GALM: variants seen among roughly 807,000 people sequenced by gnomAD.
The protein encoded by GALM is galactose mutarotase, also known as aldose 1-epimerase.
In GALM, 43 loss-of-function variants were observed where a neutral mutation model predicts 37.4. That is an observed-to-expected ratio of 1.15 (90% CI 0.90 to 1.48). GALM has a LOEUF of 1.48. Among genes scored for constraint, GALM ranks in the 40% most tolerant of loss-of-function variants. The pLI is 0.00. For synonymous variants in GALM, 199 were observed against 170.6 expected (o/e 1.17, Z -1.30); for missense variants, 456 against 419.1 (o/e 1.09, Z -0.77).
At position 38,666,520 on chromosome 2, in the gene GALM, C is replaced by T. The variant is rs1265951003; in HGVS notation, c.190+169C>T. Among the ~76,000 whole-genome samples, 3 of 152,240 alleles carry T rather than the reference C, an allele frequency of 2.0e-5. No individual in the cohort carries two copies. The East Asian group carries it at 5.8e-4, about 29-fold the overall frequency. ...CATAGAGGGCCGTGTGGCCATCCAGCATTTGGGAAAAACTGTAATAAATAA... is the reference window on the plus strand; with the variant it reads ...CATAGAGGGCCGTGTGGCCATCCAGTATTTGGGAAAAACTGTAATAAATAA... On this transcript the variant is annotated intron_variant, in intron 1 of 6. Coordinates refer to ENST00000272252, the MANE Select transcript of GALM (RefSeq NM_138801.3).
At chr2:38,696,381 A>C (rs1191788997) in intron 4 of GALM, among the ~76,000 whole-genome samples, 2 of 151,340 alleles carry the variant, frequency 1.3e-5, no homozygotes, top group East Asian at 3.9e-4. Context: ...AGCCTCCCAA[A>C]GTGCTGGGAT....
intron 3 of GALM, among the ~76,000 whole-genome samples, chr2:38,689,572 T>G (rs1305798711): frequency 6.6e-6 from 1 of 152,218 alleles, no homozygotes; most frequent in Non-Finnish European, 1.5e-5. Context: ...CTTTTCACCT[T>G]CATATTCTAT....
chr2:38,716,878 A>C (rs531299224), intron 4 of GALM, among the ~76,000 whole-genome samples: 1 of 152,264 alleles, frequency 6.6e-6, no homozygotes, highest in East Asian at 1.9e-4. Flanking sequence ...ACAAACAAAA[A>C]ACAGAAACCT....
At chr2:38,711,666 G>T (rs1373523470) in intron 4 of GALM, among the ~76,000 whole-genome samples, 2 of 131,308 alleles carry the variant, frequency 1.5e-5, no homozygotes, top group African/African-American at 5.8e-5. Flanking sequence ...GAAGCACTAT[G>T]ATTAGCACTG....
chr2:38,678,953 C>A (rs929698768), intron 2 of GALM, among the ~76,000 whole-genome samples: 5 of 152,072 alleles, frequency 3.3e-5, no homozygotes. Flanking sequence ...GAGTTTGAAC[C>A]CCAGCTCTGT....
At chr2:38,705,713 G>C (rs1666021846) in intron 4 of GALM, among the ~76,000 whole-genome samples, 1 of 152,220 alleles carries the variant, frequency 6.6e-6, no homozygotes, top group African/African-American at 2.4e-5. Context: ...GGTCGTGCAT[G>C]TGCAGGGTCA....
chr2:38,707,460 G>A (rs1666054500), intron 4 of GALM, among the ~76,000 whole-genome samples: 1 of 152,136 alleles, frequency 6.6e-6, no homozygotes, highest in African/African-American at 2.4e-5. Context: ...GAGAAGAGGT[G>A]TCTAGAAGTC....
intron 3 of GALM, among the ~76,000 whole-genome samples, chr2:38,687,127 T>A (rs1665557653): frequency 6.6e-6 from 1 of 152,034 alleles, no homozygotes; most frequent in Admixed American, 6.6e-5. Context: ...AGTCCCAAAT[T>A]CTCTTCCCTC....
rs1665339914 is a variant in GALM at position 38,679,388 on chromosome 2, A to G, written c.346-1892A>G. Among the ~76,000 whole-genome samples the G allele has an allele frequency of 1.3e-5, 2 of 151,656 alleles. 1 individual carries two copies. The highest frequency in any genetic ancestry group is 1.3e-4 in the Admixed American group (2 of 15,230). Reference sequence around the variant, plus strand: ...GACACACACTAGGAATGTAGAAGGTAGATGTGGGTATAAGTTAACTCCACT... The same window carrying G: ...GACACACACTAGGAATGTAGAAGGTGGATGTGGGTATAAGTTAACTCCACT... On this transcript the variant is annotated intron_variant, in intron 2 of 6. Transcript: ENST00000272252.
intron 4 of GALM, among the ~76,000 whole-genome samples, chr2:38,717,970 G>C (rs912473377): frequency 2.6e-5 from 4 of 151,238 alleles, no homozygotes; most frequent in Non-Finnish European, 1.5e-5. Context: ...AAGTAGTTAG[G>C]ACTACAGGCA....
chr2:38,677,832 C>G (rs114138512), intron 2 of GALM, among the ~76,000 whole-genome samples: 1,723 of 151,816 alleles, frequency 0.011, 30 homozygotes, highest in African/African-American at 0.038. Context: ...CTGTTAAAGG[C>G]GAATGGCCAC....
intron 4 of GALM, among the ~76,000 whole-genome samples, chr2:38,721,659 G>A (rs1666377822): frequency 1.3e-5 from 2 of 152,086 alleles, no homozygotes; most frequent in South Asian, 4.1e-4. Flanking sequence ...GATCACAGGT[G>A]TGCACCATAC....
intron 4 of GALM, among the ~76,000 whole-genome samples, chr2:38,718,432 C>T (rs1249169710): frequency 6.6e-6 from 1 of 151,652 alleles, no homozygotes; most frequent in Non-Finnish European, 1.5e-5. Context: ...CTCCTGACCT[C>T]AGGTGATCTG....
intron 4 of GALM, among the ~76,000 whole-genome samples, chr2:38,696,752 G>A (rs190168072): frequency 4.2e-5 from 6 of 144,292 alleles, no homozygotes; most frequent in African/African-American, 1.0e-4. Flanking sequence ...GATTACAGGC[G>A]TGAGCCACCG....
rs113616474 is a variant in GALM, at chr2:38,673,242, A to G, written c.191-2670A>G. Among the ~76,000 whole-genome samples, 580 of 152,286 alleles carry G rather than the reference A, an allele frequency of 3.8e-3. 3 individuals are homozygous for G. Among genetic ancestry groups the G allele is most frequent in the African/African-American group, 0.012 (497 of 41,570 alleles). Reference sequence around the variant, plus strand: ...TCCATCCCTTGAAAAAATAGTTCATATGCTTGAATTGCATTCTCTGCTGAT... The same window carrying G: ...TCCATCCCTTGAAAAAATAGTTCATGTGCTTGAATTGCATTCTCTGCTGAT... On this transcript the variant is annotated intron_variant, in intron 1 of 6. Coordinates refer to ENST00000272252, the MANE Select transcript of GALM (RefSeq NM_138801.3).
rs534801878 is a variant in GALM, at chr2:38,688,310, G to A, written c.553-1503G>A. On this transcript the variant is annotated intron_variant, in intron 3 of 6. Coordinates refer to ENST00000272252, the MANE Select transcript of GALM (RefSeq NM_138801.3). ...GCAGATCACCTGAGGTCGCGAGTTC[G>A]AGACCAGCCTGACCAACATGGAGAA... 3.3e-5 allele frequency among the ~76,000 whole-genome samples: 5 copies of A among 151,406 alleles called. No individual in the cohort carries two copies. The East Asian group carries it at 7.8e-4, about 24-fold the overall frequency.
chr2:38,694,378 G>A (rs1184928717), intron 4 of GALM, among the ~76,000 whole-genome samples: 1 of 152,128 alleles, frequency 6.6e-6, no homozygotes, highest in Non-Finnish European at 1.5e-5. Flanking sequence ...CTTTTGTACA[G>A]GGAGCCTCCC....
chr2:38,720,267 GCTTT>G lies in GALM; in HGVS notation c.635-9286_635-9283del, dbSNP rs1290269828. Reference sequence around the variant, plus strand: ...ATCTGTCTCTTCCACCAGATTCTAGGCTTTCTGAGGTCAGTTTAATGCCTGGCAC... The same window carrying G: ...ATCTGTCTCTTCCACCAGATTCTAGGCTGAGGTCAGTTTAATGCCTGGCAC... On this transcript the variant is annotated intron_variant, in intron 4 of 6. Coordinates refer to ENST00000272252, the MANE Select transcript of GALM (RefSeq NM_138801.3). Among the ~76,000 whole-genome samples, 5 of 152,016 alleles carry G rather than the reference GCTTT, an allele frequency of 3.3e-5. No homozygotes were observed. In the East Asian group the frequency reaches 9.6e-4, roughly 29 times the overall value.
In GALM at chr2:38,734,422, C is replaced by G. The variant is rs1666666032; in HGVS notation, c.*857C>G. ...AAAAAAAGGAAAAAAAAGCAGCTCT[C>G]TCTCTCGGGAGAGGGAGGGGACTTC... On this transcript the variant is annotated 3_prime_UTR_variant, in exon 7 of 7. Coordinates refer to ENST00000272252, the MANE Select transcript of GALM (RefSeq NM_138801.3). 6.8e-6 allele frequency: 1 copy of G among 147,968 alleles called. No individual in the cohort carries two copies. The highest frequency in any genetic ancestry group is 2.5e-5 in the African/African-American group (1 of 40,332). The allele number at this position is 147,968 out of a possible 1,614,324, so 9.2% of individuals were successfully genotyped here.
Sources: allele counts gnomAD v4.1 joint callset (sites outside exome capture counted in the v4.1 genomes callset), GRCh38; gene constraint gnomAD v4.1.1; transcripts MANE v1.5; gene names NCBI Gene and HGNC (gene_info 2026-07-23, HGNC 2026-07-21).